The following CELSR2 variants were observed in gnomAD, a reference collection of about 807,000 sequenced individuals.
The protein encoded by CELSR2 is EGF-like protein 2.
In CELSR2, 81 loss-of-function variants were observed where a neutral mutation model predicts 251.6. The ratio of observed to expected loss-of-function variants is 0.32; its 90% confidence interval spans 0.27 to 0.39. The LOEUF (loss-of-function observed/expected upper bound fraction) is 0.39, where lower values mean the gene tolerates loss of function less well. CELSR2 is among the 10% of genes least tolerant of loss of function. The pLI, the probability that CELSR2 is intolerant of heterozygous loss-of-function variation, is 1.00. For synonymous variants in CELSR2, 1,721 were observed against 1,670.5 expected, an observed-to-expected ratio of 1.03 and a Z score of -0.74; for missense variants, 3,365 against 3,947.7, an observed-to-expected ratio of 0.85 and a Z score of 3.96.
rs1655660549 is a variant in CELSR2 at position 109,250,663 on chromosome 1, C to T, written c.584C>T (p.Pro195Leu). Residue 195 changes from proline to leucine, a missense_variant, in exon 1 of 34, where the codon CCA becomes CTA. Coordinates refer to ENST00000271332, the MANE Select transcript of CELSR2 (RefSeq NM_001408.3). This position sits in a 1 kb window ranked among gnomAD's most constrained non-coding sequence, Gnocchi z 4.4. ...CAGGCCACAGTGCCGGAGAACCAGC[C>T]AGCAGGCACCCCTGTTGCATCCCTG... ...SYQATVPENQ[P>L]AGTPVASLRA... 4 of 1,614,006 alleles carry T rather than the reference C, an allele frequency of 2.5e-6. No individual in the cohort carries two copies. Among genetic ancestry groups the T allele is most frequent in the Non-Finnish European group, 2.5e-6 (3 of 1,180,034 alleles).
At position 109,269,334 on chromosome 1, in the gene CELSR2, C is replaced by A; in HGVS notation, c.6812+44C>A. 1 of 1,611,054 alleles carries A rather than the reference C, an allele frequency of 6.2e-7. No homozygotes were observed. Among genetic ancestry groups the A allele is most frequent in the Non-Finnish European group, 8.5e-7 (1 of 1,179,040 alleles). The stretch of plus-strand genomic sequence containing the variant: ...GGTGTGGGTAGGGGTATGGGTCGGG[C>A]GGTGAGTGCTGAGGCATGGAGGGGG... On this transcript the variant is annotated intron_variant, in intron 20 of 33. Coordinates refer to ENST00000271332, the MANE Select transcript of CELSR2 (RefSeq NM_001408.3). The surrounding 1 kb of genome is among the most constrained non-coding windows in gnomAD (Gnocchi z 6.4).
rs535216525 is a variant in CELSR2, at chr1:109,268,627, G to A, written c.6365G>A (p.Arg2122Gln). Residue 2122 changes from arginine to glutamine, a missense_variant, in exon 18 of 34, where the codon CGG (arginine) becomes CAG (glutamine). Transcript: ENST00000271332. ...GSALLDTANK[R>Q]HWELIQQTEG... ...GCCCTCCTGGACACAGCCAACAAGC[G>A]GCACTGGGAGCTGATCCAGCAGACA... 46 of 1,613,816 alleles carry A rather than the reference G, an allele frequency of 2.9e-5. No individual in the cohort carries two copies. The highest frequency in any genetic ancestry group is 6.7e-5 in the African/African-American group (5 of 75,048).
In CELSR2 at chr1:109,269,985, C is replaced by T; in HGVS notation, c.7160C>T (p.Thr2387Ile). ...KTLTYVALGV[T>I]LAALLLTFFF... ...CTGACATACGTGGCTCTAGGTGTCA[C>T]CTTGGCTGCCCTTCTGCTCACCTTC... Residue 2387 changes from threonine (T) to isoleucine (I), a missense_variant, in exon 23 of 34, where the codon ACC becomes ATC. By Grantham distance (89) the Thr-to-Ile change is moderately conservative. This residue lies in a region of CELSR2 where 2,093 missense variants were observed against 2,382.8 expected (regional missense o/e 0.88). Transcript: ENST00000271332. The surrounding 1 kb of genome is among the most constrained non-coding windows in gnomAD (Gnocchi z 6.4). 6.2e-7 allele frequency: 1 copy of T among 1,614,140 alleles called. No individual in the cohort carries two copies. Among genetic ancestry groups the T allele is most frequent in the Admixed American group, 1.7e-5 (1 of 60,024 alleles).
rs1656057656 is a variant in CELSR2 at position 109,262,873 on chromosome 1, C to A, written c.4612C>A (p.Arg1538=). 1.2e-6 allele frequency: 2 copies of A among 1,613,776 alleles called. No homozygotes were observed. The highest frequency in any genetic ancestry group is 1.7e-6 in the Non-Finnish European group (2 of 1,180,008). ...VPDLPESFPV[R]MRQFVGCMRN... is the part of the protein sequence containing the mutation. ...TGACCTGCCCGAGAGCTTCCCAGTC[C>A]GAATGCGGCAGTTCGTGGGCTGCAT... is the stretch of plus-strand genomic sequence containing the variant. The change falls in exon 7 of 34, where the codon CGA becomes AGA. Residue 1538 remains arginine, a synonymous_variant. Coordinates refer to ENST00000271332, the MANE Select transcript of CELSR2 (RefSeq NM_001408.3).
rs777946770 is a variant in CELSR2 at position 109,273,023 on chromosome 1, C to G, written c.8334C>G (p.Pro2778=). ...AGAGACTGCCCCTGCACAGTACTCC[C>G]AAGGGTGGGCCAGCACTGGGGCTGT... ...GAERLPLHST[P]KDGGPGPGKA... The change falls in exon 31 of 34, where the codon CCC becomes CCG. Residue 2778 remains proline, a synonymous_variant. Transcript: ENST00000271332. The G allele has an allele frequency of 3.1e-6, 5 of 1,609,886 alleles. No homozygotes were observed. The South Asian group carries it at 5.5e-5, about 18-fold the overall frequency.
intron 18 of CELSR2, 49 bp downstream of exon 18, chr1:109,268,813 A>T: frequency 6.3e-7 from 1 of 1,582,708 alleles, no homozygotes; most frequent in Non-Finnish European, 8.6e-7. Context: ...GGAGTCCCCG[A>T]CAAGAGCGGC....
In CELSR2 at chr1:109,272,625, GT is replaced by G; in HGVS notation, c.8055-14del. On this transcript the variant is annotated splice_polypyrimidine_tract_variant and intron_variant, in intron 29 of 33. Transcript: ENST00000271332. ...GGGCCAGGCTGACCCCTCCAGCATGGTCTCATCTTCCTAGGGAGGAGTCCGC... is the reference window on the plus strand; with the variant it reads ...GGGCCAGGCTGACCCCTCCAGCATGGCTCATCTTCCTAGGGAGGAGTCCGC... 6.2e-7 allele frequency: 1 copy of G among 1,610,762 alleles called. No homozygotes were observed. Among genetic ancestry groups the G allele is most frequent in the Non-Finnish European group, 8.5e-7 (1 of 1,177,720 alleles).
rs895973339 is a variant in CELSR2 at position 109,269,500 on chromosome 1, G to T, written c.6889G>T (p.Ala2297Ser). ...TGATGATGAGGAGCTTCTGCCCCGGGCCCTGGACAAACCCGTCACGGTGCA... is the reference window on the plus strand; with the variant it reads ...TGATGATGAGGAGCTTCTGCCCCGGTCCCTGGACAAACCCGTCACGGTGCA... The part of the protein sequence containing the change: ...VHDDEELLPR[A>S]LDKPVTVQFR... The change falls in exon 21 of 34, where the codon GCC becomes TCC. Residue 2297 changes from alanine (A) to serine (S), a missense_variant. By Grantham distance (99) the Ala-to-Ser change is moderately conservative (BLOSUM62 1). Around this residue, in one of 5 missense-constraint regions of CELSR2, gnomAD observed 2,093 missense variants for 2,382.8 expected, o/e 0.88. Coordinates refer to ENST00000271332, the MANE Select transcript of CELSR2 (RefSeq NM_001408.3). This position sits in a 1 kb window ranked among gnomAD's most constrained non-coding sequence, Gnocchi z 6.4. The T allele has an allele frequency of 1.1e-5, 18 of 1,613,982 alleles. No homozygotes were observed. The South Asian group carries it at 1.6e-4, about 15-fold the overall frequency.
At chr1:109,257,669 G>A (rs1326462791) in intron 1 of CELSR2, among the ~76,000 whole-genome samples, 2 of 152,180 alleles carry the variant, frequency 1.3e-5, no homozygotes, top group Non-Finnish European at 2.9e-5. Flanking sequence ...GGGCTCTGGG[G>A]TCTCAGAGTG....
rs775463779 is a variant in CELSR2 at position 109,251,325 on chromosome 1, G to T, written c.1246G>T (p.Ala416Ser). The change falls in exon 1 of 34, where the codon GCC (alanine) becomes TCC (serine). Residue 416 changes from alanine to serine, a missense_variant. This residue lies in a region of CELSR2 where 704 missense variants were observed against 784.1 expected (regional missense o/e 0.90). Transcript: ENST00000271332. This position sits in a 1 kb window ranked among gnomAD's most constrained non-coding sequence, Gnocchi z 4.9. ...VQVREDVTPG[A>S]PVLRVTASDR... ...GGTGAGGGAGGATGTGACTCCAGGG[G>T]CCCCAGTACTCCGAGTCACAGCCTC... The T allele has an allele frequency of 1.9e-6, 3 of 1,613,968 alleles. No homozygotes were observed. In the South Asian group the frequency reaches 3.3e-5, roughly 18 times the overall value.
chr1:109,265,923 G>A lies in CELSR2; in HGVS notation c.5911+5G>A, dbSNP rs1483586224. On this transcript the variant is annotated splice_donor_5th_base_variant and intron_variant, in intron 14 of 33. Transcript: ENST00000271332. ...TCACCACCAATGGCTGTGAAGGTGGGGCTCCTGGGATGGGTGGGCAGCCCT... is the reference window on the plus strand; with the variant it reads ...TCACCACCAATGGCTGTGAAGGTGGAGCTCCTGGGATGGGTGGGCAGCCCT... 6.2e-7 allele frequency: 1 copy of A among 1,608,918 alleles called. No homozygotes were observed. The highest frequency in any genetic ancestry group is 1.7e-5 in the Admixed American group (1 of 59,968).
Position 109,272,741 on chromosome 1 carries a change from C to T in CELSR2, c.8143+13C>T, listed in dbSNP as rs753347266. 10 of 1,613,688 alleles carry T rather than the reference C, an allele frequency of 6.2e-6. No individual in the cohort carries two copies. Among genetic ancestry groups the T allele is most frequent in the South Asian group, 2.2e-5 (2 of 91,064 alleles). On this transcript the variant is annotated intron_variant, in intron 30 of 33. Transcript: ENST00000271332. ...GACCAGCAGCATGGTGAGGACAGAA[C>T]GCTCTGGCCACCCAGCAGGGCAGTT... is the stretch of plus-strand genomic sequence containing the variant.
rs779419110 is a variant in CELSR2, at chr1:109,265,727, T to C, written c.5728-8T>C. The C allele has an allele frequency of 1.2e-6, 2 of 1,605,390 alleles. No homozygotes were observed. Among genetic ancestry groups the C allele is most frequent in the Non-Finnish European group, 1.7e-6 (2 of 1,173,054 alleles). Reference sequence around the variant, plus strand: ...GGCCAGTGACACCGTTCTTCCCTCCTTTCTCAGGAGAACCACTACCGGCCC... The same window carrying C: ...GGCCAGTGACACCGTTCTTCCCTCCCTTCTCAGGAGAACCACTACCGGCCC... On this transcript the variant is annotated splice_region_variant and splice_polypyrimidine_tract_variant and intron_variant, in intron 13 of 33. Transcript: ENST00000271332.
chr1:109,272,302 G>T lies in CELSR2; in HGVS notation c.7951G>T (p.Ala2651Ser). 1.9e-6 allele frequency: 3 copies of T among 1,607,722 alleles called. No individual in the cohort carries two copies. Among genetic ancestry groups the T allele is most frequent in the Non-Finnish European group, 2.6e-6 (3 of 1,175,488 alleles). Residue 2651 changes from alanine to serine, a missense_variant, in exon 29 of 34, where the codon GCA becomes TCA. Ala to Ser is a moderately conservative substitution (Grantham distance 99). This residue lies in a region of CELSR2 where 2,093 missense variants were observed against 2,382.8 expected (regional missense o/e 0.88). Transcript: ENST00000271332. ...GTCCTACAACTGCCCCAGCCCCTACGCAGATGGGCGGCTGTACCAGCCCTA... is the reference window on the plus strand; with the variant it reads ...GTCCTACAACTGCCCCAGCCCCTACTCAGATGGGCGGCTGTACCAGCCCTA... ...TSSYNCPSPYADGRLYQPYGD... is the reference protein window; with the variant it reads ...TSSYNCPSPYSDGRLYQPYGD...
In CELSR2 at chr1:109,250,717, C is replaced by G. The variant is rs763935264; in HGVS notation, c.638C>G (p.Ala213Gly). The change falls in exon 1 of 34, where the codon GCA (alanine) becomes GGA (glycine). Residue 213 changes from alanine (A) to glycine (G), a missense_variant. By Grantham distance (60) the Ala-to-Gly change is moderately conservative. This residue lies in a region of CELSR2 where 704 missense variants were observed against 784.1 expected (regional missense o/e 0.90). Coordinates refer to ENST00000271332, the MANE Select transcript of CELSR2 (RefSeq NM_001408.3). The surrounding 1 kb of genome is among the most constrained non-coding windows in gnomAD (Gnocchi z 4.4). Reference sequence around the variant, plus strand: ...GCCATCGACCCGGACGAGGGTGAGGCAGGTCGACTGGAGTACACCATGGAT... The same window carrying G: ...GCCATCGACCCGGACGAGGGTGAGGGAGGTCGACTGGAGTACACCATGGAT... ...LRAIDPDEGEAGRLEYTMDAL... is the reference protein window; with the variant it reads ...LRAIDPDEGEGGRLEYTMDAL... 1.2e-6 allele frequency: 2 copies of G among 1,614,150 alleles called. No homozygotes were observed. Among genetic ancestry groups the G allele is most frequent in the Non-Finnish European group, 1.7e-6 (2 of 1,180,034 alleles).
rs368195654 is a variant in CELSR2 at position 109,272,885 on chromosome 1, C to T, written c.8196C>T (p.Gly2732=). 1.2e-6 allele frequency: 2 copies of T among 1,613,842 alleles called. No homozygotes were observed. The highest frequency in any genetic ancestry group is 1.6e-4 in the Middle Eastern group (1 of 6,084). ...TGTCCTTAGAAGACGACCAGAGTGGCTCCTATGCCTCTACCCACTCATCAG... is the reference window on the plus strand; with the variant it reads ...TGTCCTTAGAAGACGACCAGAGTGGTTCCTATGCCTCTACCCACTCATCAG... The part of the protein sequence containing the change: ...SDLSLEDDQS[G]SYASTHSSDS... The change falls in exon 31 of 34, where the codon GGC becomes GGT. Residue 2732 remains glycine, a synonymous_variant. Coordinates refer to ENST00000271332, the MANE Select transcript of CELSR2 (RefSeq NM_001408.3).
chr1:109,272,738 G>A lies in CELSR2; in HGVS notation c.8143+10G>A. ...CAAGACCAGCAGCATGGTGAGGACA[G>A]AACGCTCTGGCCACCCAGCAGGGCA... On this transcript the variant is annotated intron_variant, in intron 30 of 33. Coordinates refer to ENST00000271332, the MANE Select transcript of CELSR2 (RefSeq NM_001408.3). 1 of 1,613,954 alleles carries A rather than the reference G, an allele frequency of 6.2e-7. No individual in the cohort carries two copies. The highest frequency in any genetic ancestry group is 8.5e-7 in the Non-Finnish European group (1 of 1,179,914).
In CELSR2 at chr1:109,250,458, G is replaced by A. The variant is rs778603852; in HGVS notation, c.379G>A (p.Gly127Ser). 1 of 1,613,702 alleles carries A rather than the reference G, an allele frequency of 6.2e-7. No homozygotes were observed. Among genetic ancestry groups the A allele is most frequent in the South Asian group, 1.1e-5 (1 of 91,082 alleles). The change falls in exon 1 of 34, where the codon GGC (glycine) becomes AGC (serine). Residue 127 changes from glycine to serine, a missense_variant. By Grantham distance (56) the Gly-to-Ser change is moderately conservative. Around this residue, in one of 5 missense-constraint regions of CELSR2, gnomAD observed 704 missense variants for 784.1 expected, o/e 0.90. Coordinates refer to ENST00000271332, the MANE Select transcript of CELSR2 (RefSeq NM_001408.3). The surrounding 1 kb of genome is among the most constrained non-coding windows in gnomAD (Gnocchi z 4.4). Reference protein sequence around the residue: ...LGIGGHLSPQGKLTLPEEHPC... With the variant: ...LGIGGHLSPQSKLTLPEEHPC... Reference sequence around the variant, plus strand: ...CATTGGAGGCCACCTTTCCCCACAGGGCAAGCTCACACTGCCCGAGGAGCA... The same window carrying A: ...CATTGGAGGCCACCTTTCCCCACAGAGCAAGCTCACACTGCCCGAGGAGCA...
intron 25 of CELSR2, 40 bp downstream of exon 25, chr1:109,271,079 T>C: frequency 6.4e-7 from 1 of 1,558,374 alleles, no homozygotes; most frequent in Non-Finnish European, 8.8e-7. Context: ...CCTGTGGCCC[T>C]CCTTTGCTGT....
Sources: allele counts gnomAD v4.1 joint callset (sites outside exome capture counted in the v4.1 genomes callset), GRCh38; gene constraint gnomAD v4.1.1; regional missense constraint gnomAD v4.1.1; non-coding constraint Gnocchi (gnomAD v3.1); transcripts MANE v1.5; gene names NCBI Gene and HGNC (gene_info 2026-07-23, HGNC 2026-07-21).